The following OR3A2 variants were observed in gnomAD, a reference collection of about 807,000 sequenced individuals.
OR3A2 encodes the protein olfactory receptor family 3 subfamily A member 2.
For synonymous variants in OR3A2, 126 were observed against 159.3 expected (o/e 0.79, Z 1.57); for missense variants, 318 against 392.8 (o/e 0.81, Z 1.61).
At chr17:3,327,863 C>G (rs62091261) in intron 3 of OR3A2, among the ~76,000 whole-genome samples, 1 of 133,174 alleles carries the variant, frequency 7.5e-6, no homozygotes, top group African/African-American at 3.1e-5. Context: ...GATCAGATAG[C>G]TGTAGACATG....
At chr17:3,317,436 G>C (rs1370368260) in intron 3 of OR3A2, among the ~76,000 whole-genome samples, 1 of 152,208 alleles carries the variant, frequency 6.6e-6, no homozygotes, top group Non-Finnish European at 1.5e-5. Flanking sequence ...AGCATCTTCT[G>C]TGTGGCAGGC....
chr17:3,288,449 T>C (rs1016906111), upstream of OR3A2, among the ~76,000 whole-genome samples: 19 of 152,172 alleles, frequency 1.2e-4, no homozygotes, highest in African/African-American at 4.6e-4. Flanking sequence ...CCTAGGTTTG[T>C]GCAAGTACAT....
At chr17:3,315,224 A>G (rs940023052) in intron 3 of OR3A2, among the ~76,000 whole-genome samples, 3 of 152,200 alleles carry the variant, frequency 2.0e-5, no homozygotes, top group Non-Finnish European at 2.9e-5. Flanking sequence ...TGCTGGGTCA[A>G]ATAATAGCTC....
At chr17:3,364,993 CT>C (rs138273547) in intron 2 of OR3A2, among the ~76,000 whole-genome samples, 1,754 of 151,426 alleles carry the variant, frequency 0.012, 35 homozygotes, top group African/African-American at 0.04. Context: ...ATAGAGAATG[CT>C]TTTTTTAAGT....
intron 2 of OR3A2, among the ~76,000 whole-genome samples, chr17:3,354,561 G>C (rs2049448454): frequency 6.6e-6 from 1 of 151,292 alleles, no homozygotes; most frequent in Admixed American, 6.6e-5. Context: ...GTTGCTAATA[G>C]TAGTCACTAA....
At chr17:3,304,157 C>A (rs1421675249) in intron 3 of OR3A2, among the ~76,000 whole-genome samples, 12 of 152,048 alleles carry the variant, frequency 7.9e-5, no homozygotes, top group Admixed American at 3.9e-4. Context: ...CTGGTGAGCA[C>A]ATGAACCATT....
chr17:3,370,257 G>T (rs1051072290), intron 2 of OR3A2, among the ~76,000 whole-genome samples: 1 of 152,158 alleles, frequency 6.6e-6, no homozygotes, highest in African/African-American at 2.4e-5. Flanking sequence ...ATCTAAGAGG[G>T]TTGTATATTT....
chr17:3,315,572 T>C (rs1208998833), intron 3 of OR3A2, among the ~76,000 whole-genome samples: 1 of 152,164 alleles, frequency 6.6e-6, no homozygotes, highest in Non-Finnish European at 1.5e-5. Context: ...AAGTTCCCTA[T>C]AGGTTCTGGA....
At chr17:3,367,583 GTATA>G (rs148969610) in intron 2 of OR3A2, among the ~76,000 whole-genome samples, 1 of 121,364 alleles carries the variant, frequency 8.2e-6, no homozygotes, top group Non-Finnish European at 1.6e-5. Context: ...TGGTGTATAT[GTATA>G]TGTGTGTGTG....
chr17:3,356,736 A>T (rs1296988364), intron 2 of OR3A2, among the ~76,000 whole-genome samples: 8 of 151,358 alleles, frequency 5.3e-5, no homozygotes, highest in Non-Finnish European at 8.8e-5. Context: ...TCTTTGTCCC[A>T]CTTAACAGAC....
intron 2 of OR3A2, among the ~76,000 whole-genome samples, chr17:3,368,081 A>C (rs532196811): frequency 6.6e-6 from 1 of 151,648 alleles, no homozygotes; most frequent in Admixed American, 6.6e-5. Flanking sequence ...TTTTTGATGG[A>C]ATTGTTTTTT....
chr17:3,384,697 T>C (rs2150670790), intron 1 of OR3A2, among the ~76,000 whole-genome samples: 1 of 152,282 alleles, frequency 6.6e-6, no homozygotes, highest in Non-Finnish European at 1.5e-5. Context: ...CTACAGTATC[T>C]AGTACAGGGG....
At chr17:3,346,288 A>G (rs1392306251) in intron 2 of OR3A2, among the ~76,000 whole-genome samples, 2 of 152,166 alleles carry the variant, frequency 1.3e-5, no homozygotes, top group East Asian at 3.8e-4. Flanking sequence ...ACATATTTAT[A>G]AGTACATGAG....
intron 2 of OR3A2, among the ~76,000 whole-genome samples, chr17:3,378,347 T>C (rs1056644201): frequency 1.3e-5 from 2 of 152,226 alleles, no homozygotes; most frequent in African/African-American, 4.8e-5. Flanking sequence ...TGTGCACACC[T>C]GGCTGGGTTG....
chr17:3,305,585 A>C (rs1485466456), intron 3 of OR3A2, among the ~76,000 whole-genome samples: 4 of 138,506 alleles, frequency 2.9e-5, no homozygotes, highest in Non-Finnish European at 6.3e-5. Context: ...ATTATTATTC[A>C]TAATGGCAAA....
At chr17:3,315,799 G>T (rs2049078581) in intron 3 of OR3A2, among the ~76,000 whole-genome samples, 1 of 147,014 alleles carries the variant, frequency 6.8e-6, no homozygotes. Context: ...GTCTACTATA[G>T]TGTTTTCTCT....
exon 1 of OR3A2, chr17:3,386,259 C>G: frequency 5.0e-6 from 2 of 398,762 alleles, no homozygotes; most frequent in Non-Finnish European, 8.8e-6. Context: ...TGGGCATCAC[C>G]GAGAGCTACC....
At chr17:3,333,085 T>C (rs2049252317) in intron 3 of OR3A2, among the ~76,000 whole-genome samples, 1 of 152,172 alleles carries the variant, frequency 6.6e-6, no homozygotes, top group African/African-American at 2.4e-5. Flanking sequence ...AGGAGAGATA[T>C]TGCTAAATTC....
intron 2 of OR3A2, among the ~76,000 whole-genome samples, chr17:3,353,446 G>A (rs2049437548): frequency 6.6e-6 from 1 of 151,842 alleles, no homozygotes; most frequent in Non-Finnish European, 1.5e-5. Flanking sequence ...GGATCTTAGA[G>A]GAAAGGCTTT....
Sources: allele counts gnomAD v4.1 joint callset (sites outside exome capture counted in the v4.1 genomes callset), GRCh38; gene constraint gnomAD v4.1.1; transcripts MANE v1.5; gene names NCBI Gene and HGNC (gene_info 2026-07-23, HGNC 2026-07-21).